Variants in NRXN3 observed in about 807,000 individuals in gnomAD.
The protein encoded by NRXN3 is neurexin 3.
A neutral mutation model predicts 137.6 loss-of-function variants in NRXN3; 32 were observed. That is an observed-to-expected ratio of 0.23 (90% CI 0.18 to 0.31). NRXN3 has a LOEUF of 0.31. Among genes scored for constraint, NRXN3 ranks in the 10% least tolerant of loss-of-function variants. NRXN3 has a pLI of 1.00. For missense variants in NRXN3, 1,574 were observed against 2,062.5 expected, an observed-to-expected ratio of 0.76 and a Z score of 4.59; for synonymous variants, 798 against 784.5, an observed-to-expected ratio of 1.02 and a Z score of -0.29.
chr14:78,842,315 T>G (rs2099014740), intron 10 of NRXN3, among the ~76,000 whole-genome samples: 1 of 152,010 alleles, frequency 6.6e-6, no homozygotes, highest in Admixed American at 6.6e-5. Context: ...GAGAGAAATT[T>G]TAAAGCTGGG....
In NRXN3 at chr14:78,508,491, C is replaced by A. The variant is rs1599644022; in HGVS notation, c.758-136629C>A. On this transcript the variant is annotated intron_variant, in intron 4 of 20. Coordinates refer to ENST00000335750, the MANE Select transcript of NRXN3 (RefSeq NM_001330195.2). The stretch of plus-strand genomic sequence containing the variant: ...TCTCACTTTTTGAAGTGTTTTTAAG[C>A]TATTTTAAGGCTGTTTTATAGGTGC... Among the ~76,000 whole-genome samples, 4 of 152,172 alleles carry A rather than the reference C, an allele frequency of 2.6e-5. No individual in the cohort carries two copies. In the South Asian group the frequency reaches 6.2e-4, roughly 24 times the overall value.
At chr14:78,592,990 C>T (rs906999795) in intron 4 of NRXN3, among the ~76,000 whole-genome samples, 6 of 152,200 alleles carry the variant, frequency 3.9e-5, no homozygotes, top group Non-Finnish European at 2.9e-5. Context: ...AGCGACCTTG[C>T]TCCTCATTTG....
chr14:78,345,992 T>C (rs929086063), intron 4 of NRXN3, among the ~76,000 whole-genome samples: 2 of 152,044 alleles, frequency 1.3e-5, no homozygotes, highest in Non-Finnish European at 2.9e-5. Context: ...TGTTTTCAAA[T>C]GGGAAGGCCA....
intron 4 of NRXN3, among the ~76,000 whole-genome samples, chr14:78,499,612 G>A (rs559723979): frequency 6.6e-6 from 1 of 152,198 alleles, no homozygotes; most frequent in Admixed American, 6.5e-5. Context: ...TCTGGGCACA[G>A]CTTAGCTGGA....
intron 15 of NRXN3, among the ~76,000 whole-genome samples, chr14:79,160,712 T>C (rs894379765): frequency 6.6e-6 from 1 of 151,834 alleles, no homozygotes; most frequent in African/African-American, 2.4e-5. Flanking sequence ...GCTTTTAACC[T>C]GAAAAATAGG....
At chr14:79,388,011 G>A (rs998069536) in intron 15 of NRXN3, among the ~76,000 whole-genome samples, 14 of 150,882 alleles carry the variant, frequency 9.3e-5, no homozygotes, top group African/African-American at 3.2e-4. Context: ...TAAATGACGA[G>A]TTAATGGGTG....
At chr14:79,021,542 T>A (rs781528761) in intron 15 of NRXN3, among the ~76,000 whole-genome samples, 3 of 152,212 alleles carry the variant, frequency 2.0e-5, no homozygotes, top group Non-Finnish European at 4.4e-5. Flanking sequence ...TGCCAGGCAC[T>A]TCAGGGGATC....
At chr14:78,442,838 T>C (rs1306365961) in intron 4 of NRXN3, among the ~76,000 whole-genome samples, 2 of 152,190 alleles carry the variant, frequency 1.3e-5, no homozygotes, top group Non-Finnish European at 2.9e-5. Flanking sequence ...ACTGAATAAA[T>C]AATATATTTA....
intron 4 of NRXN3, among the ~76,000 whole-genome samples, chr14:78,641,116 T>C (rs1274276344): frequency 6.6e-6 from 1 of 152,234 alleles, no homozygotes; most frequent in Non-Finnish European, 1.5e-5. Context: ...TTTTTTCTAA[T>C]GGAGGATTCA....
intron 16 of NRXN3, among the ~76,000 whole-genome samples, chr14:79,527,871 CAAAA>C (rs33938281): frequency 7.9e-4 from 93 of 118,394 alleles, no homozygotes; most frequent in South Asian, 1.4e-3. Flanking sequence ...ACTCCTTCGC[CAAAA>C]AAAAAAAAAA....
At chr14:78,183,771 G>A (rs920834787) in intron 1 of NRXN3, among the ~76,000 whole-genome samples, 2 of 152,146 alleles carry the variant, frequency 1.3e-5, no homozygotes, top group African/African-American at 4.8e-5. Flanking sequence ...AGGTCTTGGG[G>A]TAAAGGGAGC....
chr14:78,939,794 A>G (rs2099349492), intron 10 of NRXN3, among the ~76,000 whole-genome samples: 1 of 152,140 alleles, frequency 6.6e-6, no homozygotes, highest in African/African-American at 2.4e-5. Flanking sequence ...TTCTATGGGG[A>G]AGTAACTCTC....
At chr14:78,964,883 A>G (rs1279233590) in intron 11 of NRXN3, among the ~76,000 whole-genome samples, 1 of 152,080 alleles carries the variant, frequency 6.6e-6, no homozygotes, top group Non-Finnish European at 1.5e-5. Flanking sequence ...GTTCATTTGT[A>G]ACAGCTGAAG....
At chr14:78,924,067 TG>T (rs1351210136) in intron 10 of NRXN3, among the ~76,000 whole-genome samples, 1 of 152,144 alleles carries the variant, frequency 6.6e-6, no homozygotes, top group Non-Finnish European at 1.5e-5. Flanking sequence ...CTGACCAATA[TG>T]GTGAAACACC....
intron 15 of NRXN3, among the ~76,000 whole-genome samples, chr14:79,109,009 A>G (rs1233343183): frequency 5.3e-5 from 8 of 152,202 alleles, no homozygotes; most frequent in Admixed American, 2.0e-4. Flanking sequence ...GCTACTGTCT[A>G]CGATAGATAA....
At chr14:78,206,860 C>CA (rs2062234784) in intron 1 of NRXN3, among the ~76,000 whole-genome samples, 2 of 148,984 alleles carry the variant, frequency 1.3e-5, no homozygotes, top group East Asian at 2.0e-4. Flanking sequence ...ATCGGACATT[C>CA]TTTTTTTTTT....
At chr14:78,942,590 C>T (rs936395774) in intron 10 of NRXN3, among the ~76,000 whole-genome samples, 2 of 151,852 alleles carry the variant, frequency 1.3e-5, no homozygotes, top group Admixed American at 6.6e-5. Flanking sequence ...AGAAATAAAA[C>T]GTAGAACAGA....
chr14:79,866,414 G>C lies in NRXN3; in HGVS notation c.*4450G>C, dbSNP rs1006845545. On this transcript the variant is annotated 3_prime_UTR_variant, in exon 21 of 21. Coordinates refer to ENST00000335750, the MANE Select transcript of NRXN3 (RefSeq NM_001330195.2). ...GGAGCTTAGAAGAAATTATGTAAGG[G>C]AAGGCTTCATAGAAGGGGTGACATT... The C allele has an allele frequency of 6.6e-6, 1 of 152,146 alleles. No individual in the cohort carries two copies. The highest frequency in any genetic ancestry group is 1.5e-5 in the Non-Finnish European group (1 of 68,036). The allele number at this position is 152,146 out of a possible 1,614,324, so 9.4% of individuals were successfully genotyped here. A position where few individuals can be genotyped will look rare whatever the true frequency, so the allele number is the denominator to read the frequency against.
At chr14:79,723,021 C>T (rs1338995134) in intron 19 of NRXN3, among the ~76,000 whole-genome samples, 1 of 151,982 alleles carries the variant, frequency 6.6e-6, no homozygotes, top group Non-Finnish European at 1.5e-5. Context: ...TATTTGTGTG[C>T]ATTTATGTCG....
Sources: allele counts gnomAD v4.1 joint callset (sites outside exome capture counted in the v4.1 genomes callset), GRCh38; gene constraint gnomAD v4.1.1; transcripts MANE v1.5; gene names NCBI Gene and HGNC (gene_info 2026-07-23, HGNC 2026-07-21).